SYNJ2: variants seen among roughly 807,000 people sequenced by gnomAD.
SYNJ2 encodes polyphosphatidylinositol phosphatase SYNJ2.
Under a neutral mutation model 141.3 loss-of-function variants are expected in SYNJ2, and 116 were observed. That is an observed-to-expected ratio of 0.82 (90% CI 0.71 to 0.96). The LOEUF is 0.96. SYNJ2 is among the 40% of genes least tolerant of loss of function. SYNJ2 has a pLI of 0.00. For missense variants in SYNJ2, 1,873 were observed against 1,934.8 expected (o/e 0.97, Z 0.60); for synonymous variants, 745 against 777.7 (o/e 0.96, Z 0.70).
chr6:158,080,479 T>TAAA (rs61208089), intron 18 of SYNJ2, among the ~76,000 whole-genome samples: 5 of 121,460 alleles, frequency 4.1e-5, no homozygotes, highest in African/African-American at 1.1e-4. Context: ...TGACTCAAAA[T>TAAA]AAAAAAAAAA....
chr6:158,019,253 G>A (rs1384540639), intron 2 of SYNJ2, among the ~76,000 whole-genome samples: 5 of 152,322 alleles, frequency 3.3e-5, no homozygotes, highest in Admixed American at 6.5e-5. Context: ...TCAAGGTCAC[G>A]CCATTCTCAA....
intron 13 of SYNJ2, 135 bp downstream of exon 13, chr6:158,068,863 T>A: frequency 2.3e-6 from 2 of 875,882 alleles, no homozygotes; most frequent in East Asian, 2.4e-5. Flanking sequence ...TGTGTGGGGA[T>A]CTCTCACCTG....
chr6:158,088,935 G>A (rs1783258580), intron 24 of SYNJ2, among the ~76,000 whole-genome samples, 163 bp downstream of exon 24: 1 of 152,078 alleles, frequency 6.6e-6, no homozygotes, highest in African/African-American at 2.4e-5. Flanking sequence ...TCTCCATAGG[G>A]CTTTTAAATG....
chr6:158,077,983 G>A lies in SYNJ2; in HGVS notation c.2450-181G>A, dbSNP rs537605493. 445 of 556,104 alleles carry A rather than the reference G, an allele frequency of 8.0e-4. 1 individual carries two copies. The highest frequency in any genetic ancestry group is 2.1e-3 in the Middle Eastern group (4 of 1,924). 34.4% of individuals were successfully genotyped at this position (556,104 alleles called of 1,614,324 possible). A position where few individuals can be genotyped will look rare whatever the true frequency, so the allele number is the denominator to read the frequency against. On this transcript the variant is annotated intron_variant, in intron 17 of 26. Coordinates refer to ENST00000355585, the MANE Select transcript of SYNJ2 (RefSeq NM_003898.4). ...TTTTGAATAATTATATGCGAGGAATGTTTTTAACCAAAGGCCCCAAAGCAT... is the reference window on the plus strand; with the variant it reads ...TTTTGAATAATTATATGCGAGGAATATTTTTAACCAAAGGCCCCAAAGCAT...
At chr6:157,992,238 C>T (rs1477943807) in intron 1 of SYNJ2, among the ~76,000 whole-genome samples, 1 of 151,844 alleles carries the variant, frequency 6.6e-6, no homozygotes, top group Admixed American at 6.6e-5. Context: ...ATTTGTTTTA[C>T]TCATTAACCA....
intron 18 of SYNJ2, 41 bp from the exon 19 acceptor site, chr6:158,081,068 G>A (rs769179955): frequency 1.9e-6 from 3 of 1,594,964 alleles, no homozygotes; most frequent in Non-Finnish European, 8.6e-7. Context: ...GTGGACATCT[G>A]TCCCAGGCTA....
At chr6:158,042,139 G>C (rs750571715) in intron 4 of SYNJ2, among the ~76,000 whole-genome samples, 2 of 152,260 alleles carry the variant, frequency 1.3e-5, no homozygotes, top group Non-Finnish European at 2.9e-5. Flanking sequence ...AACTATGTCT[G>C]TAGCCGTTCA....
chr6:158,087,049 T>A (rs1158725351), intron 23 of SYNJ2, 60 bp downstream of exon 23: 4 of 1,554,558 alleles, frequency 2.6e-6, no homozygotes, highest in Non-Finnish European at 3.5e-6. Context: ...GCGCGTTCCC[T>A]GCTACTGAAA....
Position 158,096,485 on chromosome 6 carries a change from C to T in SYNJ2, c.*121C>T. 1 of 1,197,992 alleles carries T rather than the reference C, an allele frequency of 8.3e-7. No homozygotes were observed. Among genetic ancestry groups the T allele is most frequent in the South Asian group, 1.6e-5 (1 of 62,244 alleles). 74.2% of individuals were successfully genotyped at this position (1,197,992 alleles called of 1,614,324 possible). ...GGCCAAAACGTTTGTGCATCTGTCA[C>T]TCTCGTGTAGTTTACAAAAATCGTG... On this transcript the variant is annotated 3_prime_UTR_variant, in exon 27 of 27. Coordinates refer to ENST00000355585, the MANE Select transcript of SYNJ2 (RefSeq NM_003898.4).
intron 1 of SYNJ2, among the ~76,000 whole-genome samples, chr6:157,991,532 T>C (rs10455939): frequency 0.53 from 81,231 of 152,034 alleles, 22,933 homozygotes; most frequent in African/African-American, 0.73. Context: ...TTTAGTTAAT[T>C]GCTCCGGGCC....
chr6:158,092,458 C>T (rs749664722), intron 25 of SYNJ2, among the ~76,000 whole-genome samples: 5 of 152,262 alleles, frequency 3.3e-5, no homozygotes, highest in Middle Eastern at 3.4e-3. Context: ...CTGGGCAACA[C>T]AATGAGACCC....
At chr6:158,041,869 C>T (rs575895638) in intron 4 of SYNJ2, among the ~76,000 whole-genome samples, 3 of 152,198 alleles carry the variant, frequency 2.0e-5, no homozygotes, top group African/African-American at 4.8e-5. Context: ...CCACCATACC[C>T]GGCTAACTTT....
intron 2 of SYNJ2, among the ~76,000 whole-genome samples, chr6:158,021,755 A>T (rs934472979): frequency 6.6e-6 from 1 of 152,166 alleles, no homozygotes; most frequent in African/African-American, 2.4e-5. Context: ...GTCTTTTGGG[A>T]TGCAGTGTTC....
intron 8 of SYNJ2, 58 bp from the exon 9 acceptor site, chr6:158,063,733 A>C: frequency 7.4e-7 from 1 of 1,350,422 alleles, no homozygotes; most frequent in Non-Finnish European, 1.0e-6. Flanking sequence ...CCTCTGTGCT[A>C]TGGCCACTGC....
At chr6:158,095,406 G>A (rs1486578552) in intron 26 of SYNJ2, among the ~76,000 whole-genome samples, 1 of 152,134 alleles carries the variant, frequency 6.6e-6, no homozygotes, top group African/African-American at 2.4e-5. Context: ...CATTGGACCT[G>A]CTGGTGTGAC....
At chr6:158,018,557 GT>G (rs1205260695) in intron 2 of SYNJ2, among the ~76,000 whole-genome samples, 1 of 152,162 alleles carries the variant, frequency 6.6e-6, no homozygotes, top group Admixed American at 6.5e-5. Context: ...TTTTCTGGGT[GT>G]TTTCTGTCAT....
intron 22 of SYNJ2, among the ~76,000 whole-genome samples, chr6:158,085,221 A>C (rs541030889): frequency 6.6e-6 from 1 of 151,876 alleles, no homozygotes; most frequent in Admixed American, 6.6e-5. Flanking sequence ...GGGTCTCACT[A>C]TGTTGTCCAA....
At chr6:158,024,152 C>T (rs953793846) in intron 2 of SYNJ2, among the ~76,000 whole-genome samples, 4 of 152,122 alleles carry the variant, frequency 2.6e-5, no homozygotes, top group African/African-American at 9.7e-5. Context: ...CGGCCAGGCA[C>T]GGTGGCTCAT....
chr6:158,086,993 A>G lies in SYNJ2; in HGVS notation c.3343+4A>G. The stretch of plus-strand genomic sequence containing the variant: ...CCGCAGAGACCCCCCCCTCCAAGTA[A>G]GACTCTGCTTGCTTTCAGCTCCCTG... On this transcript the variant is annotated splice_donor_region_variant and intron_variant, in intron 23 of 26. Coordinates refer to ENST00000355585, the MANE Select transcript of SYNJ2 (RefSeq NM_003898.4). The G allele has an allele frequency of 8.1e-7, 1 of 1,234,974 alleles. No homozygotes were observed. The highest frequency in any genetic ancestry group is 1.1e-6 in the Non-Finnish European group (1 of 913,946). The allele number at this position is 1,234,974 out of a possible 1,614,324, so 76.5% of individuals were successfully genotyped here.
Sources: gnomAD v4.1 joint callset for allele counts (sites outside exome capture counted in the v4.1 genomes callset) on GRCh38, gnomAD v4.1.1 for gene constraint, MANE v1.5 for transcripts, NCBI Gene and HGNC (gene_info 2026-07-23, HGNC 2026-07-21) for gene names.